Variants in GABBR2 observed in about 807,000 individuals in gnomAD.
The protein encoded by GABBR2 is gamma-aminobutyric acid type B receptor subunit 2.
In GABBR2, 23 loss-of-function variants were observed where a neutral mutation model predicts 105.6. The ratio of observed to expected loss-of-function variants is 0.22; its 90% confidence interval spans 0.16 to 0.31. The LOEUF (loss-of-function observed/expected upper bound fraction) is 0.31, where lower values mean the gene tolerates loss of function less well. Among genes scored for constraint, GABBR2 ranks in the 10% least tolerant of loss-of-function variants. The probability of loss-of-function intolerance (pLI) is 1.00; values close to 1 mark genes in which losing one functional copy is unlikely to be tolerated. For missense variants in GABBR2, 734 were observed against 1,245.5 expected, an observed-to-expected ratio of 0.59 and a Z score of 6.18; for synonymous variants, 478 against 499.7, an observed-to-expected ratio of 0.96 and a Z score of 0.58.
chr9:98,694,721 A>G (rs993352212), intron 1 of GABBR2, among the ~76,000 whole-genome samples: 19 of 152,174 alleles, frequency 1.2e-4, no homozygotes, highest in Admixed American at 1.2e-3. Context: ...GCCCTTTCAC[A>G]TTAATCTTAT....
At chr9:98,379,660 A>G (rs1831938094) in intron 11 of GABBR2, among the ~76,000 whole-genome samples, 1 of 152,230 alleles carries the variant, frequency 6.6e-6, no homozygotes, top group African/African-American at 2.4e-5. Context: ...ACATAGTCCC[A>G]TCATTCGTTC....
chr9:98,669,914 G>T (rs1480310638), intron 1 of GABBR2, among the ~76,000 whole-genome samples: 2 of 147,856 alleles, frequency 1.4e-5, no homozygotes, highest in Admixed American at 1.4e-4. Context: ...GTTTGAGCTC[G>T]AATCTTAACA....
chr9:98,438,888 C>G (rs1008375027), intron 7 of GABBR2, among the ~76,000 whole-genome samples: 1 of 152,162 alleles, frequency 6.6e-6, no homozygotes, highest in African/African-American at 2.4e-5. Flanking sequence ...GTGGATCCCT[C>G]TCCCTTCTCT....
At chr9:98,350,658 A>G (rs1028955324) in intron 13 of GABBR2, among the ~76,000 whole-genome samples, 1 of 152,210 alleles carries the variant, frequency 6.6e-6, no homozygotes, top group African/African-American at 2.4e-5. Context: ...GTGGCCTAAC[A>G]TATGGTCTGT....
chr9:98,500,691 G>A (rs985489973), intron 3 of GABBR2, among the ~76,000 whole-genome samples: 9 of 152,222 alleles, frequency 5.9e-5, no homozygotes, highest in Non-Finnish European at 7.3e-5. Context: ...TAAGAGGCTT[G>A]GAGGCAATAG....
At chr9:98,586,198 C>T (rs1829072677) in intron 1 of GABBR2, among the ~76,000 whole-genome samples, 1 of 152,100 alleles carries the variant, frequency 6.6e-6, no homozygotes, top group Non-Finnish European at 1.5e-5. Flanking sequence ...GACCTCTGCG[C>T]CCACACCTGC....
intron 1 of GABBR2, among the ~76,000 whole-genome samples, chr9:98,694,622 T>C (rs1351198675): frequency 1.3e-5 from 2 of 152,254 alleles, no homozygotes; most frequent in East Asian, 1.9e-4. Flanking sequence ...AAATATCCAA[T>C]GGTCCTGAGA....
At chr9:98,519,109 T>TG (rs1290959335) in intron 3 of GABBR2, among the ~76,000 whole-genome samples, 1 of 152,248 alleles carries the variant, frequency 6.6e-6, no homozygotes, top group Admixed American at 6.5e-5. Flanking sequence ...CTGTTATTGC[T>TG]GCGGCTTGTT....
intron 2 of GABBR2, among the ~76,000 whole-genome samples, chr9:98,551,841 C>T (rs116712715): frequency 3.9e-5 from 6 of 152,222 alleles, no homozygotes; most frequent in Middle Eastern, 3.4e-3. Flanking sequence ...TCATTTCCCC[C>T]CTTTTAGATG....
chr9:98,388,619 CTGTGTG>C lies in GABBR2; in HGVS notation c.1529+229_1529+234del, dbSNP rs113747643. Among the ~76,000 whole-genome samples, 8,402 of 144,314 alleles carry C rather than the reference CTGTGTG, an allele frequency of 0.058. 384 individuals carry two copies. The highest frequency in any genetic ancestry group is 0.13 in the African/African-American group (4,999 of 39,194). 94.7% of individuals were successfully genotyped at this position (144,314 alleles called of 152,430 possible). ...TCCTGTGCAACCAGCAGCCTGGCCTCTGTGTGTGTGTGTGTGTGTGTGTGTGTGTGT... is the reference window on the plus strand; with the variant it reads ...TCCTGTGCAACCAGCAGCCTGGCCTCTGTGTGTGTGTGTGTGTGTGTGTGT... On this transcript the variant is annotated intron_variant, in intron 10 of 18. Coordinates refer to ENST00000259455, the MANE Select transcript of GABBR2 (RefSeq NM_005458.8). This position sits in a 1 kb window ranked among gnomAD's most constrained non-coding sequence, Gnocchi z 4.4.
intron 13 of GABBR2, among the ~76,000 whole-genome samples, chr9:98,328,620 T>A (rs1830966446): frequency 6.6e-6 from 1 of 152,212 alleles, no homozygotes; most frequent in South Asian, 2.1e-4. Context: ...GAGAGGGTTA[T>A]TAAAAAAGAA....
intron 8 of GABBR2, among the ~76,000 whole-genome samples, chr9:98,404,213 G>C (rs1280344911): frequency 7.1e-6 from 1 of 140,528 alleles, no homozygotes; most frequent in African/African-American, 2.6e-5. Context: ...AAAAAAAAAA[G>C]TAAGTATCTT....
intron 17 of GABBR2, among the ~76,000 whole-genome samples, chr9:98,295,971 C>T (rs1480603290): frequency 6.6e-6 from 1 of 152,254 alleles, no homozygotes; most frequent in Non-Finnish European, 1.5e-5. Flanking sequence ...TCACAATCCA[C>T]TGTTGATGGA....
intron 3 of GABBR2, among the ~76,000 whole-genome samples, chr9:98,507,530 T>C (rs1827538011): frequency 6.6e-6 from 1 of 152,124 alleles, no homozygotes; most frequent in East Asian, 1.9e-4. Context: ...ACCCAATGAT[T>C]TTGAACTTCT....
intron 13 of GABBR2, among the ~76,000 whole-genome samples, chr9:98,348,390 T>C (rs1357096499): frequency 2.6e-5 from 4 of 152,244 alleles, no homozygotes; most frequent in African/African-American, 9.6e-5. Context: ...TTATATCTTT[T>C]GCTCAGTATT....
intron 17 of GABBR2, among the ~76,000 whole-genome samples, chr9:98,294,430 G>A (rs35037849): frequency 0.012 from 1,749 of 151,736 alleles, 26 homozygotes; most frequent in South Asian, 0.025. Flanking sequence ...TCCACTTCTC[G>A]AAATTATCCT....
At chr9:98,325,638 C>G (rs76697098) in intron 13 of GABBR2, among the ~76,000 whole-genome samples, 1 of 152,080 alleles carries the variant, frequency 6.6e-6, no homozygotes, top group Non-Finnish European at 1.5e-5. Flanking sequence ...GCCCTCTGAG[C>G]CAACTATAGG....
chr9:98,606,888 C>A, intron 1 of GABBR2: 1 of 584,876 alleles, frequency 1.7e-6, no homozygotes, highest in South Asian at 1.8e-5. Flanking sequence ...CATGGGAGGT[C>A]TGATTGATCC....
chr9:98,356,874 A>T (rs983720362), intron 13 of GABBR2, among the ~76,000 whole-genome samples: 1 of 152,272 alleles, frequency 6.6e-6, no homozygotes, highest in Non-Finnish European at 1.5e-5. Flanking sequence ...ATTCACTGAT[A>T]AAAAGAAATG....
Sources: gnomAD v4.1 joint callset for allele counts (sites outside exome capture counted in the v4.1 genomes callset) on GRCh38, gnomAD v4.1.1 for gene constraint, Gnocchi (gnomAD v3.1) non-coding constraint, MANE v1.5 for transcripts, NCBI Gene and HGNC (gene_info 2026-07-23, HGNC 2026-07-21) for gene names.